Variants in DAB1 observed in about 807,000 individuals in gnomAD.
DAB1 encodes the protein DAB adaptor protein 1, also known as disabled homolog 1.
DAB1 carries 15 observed loss-of-function variants against 64.6 expected under a neutral mutation model. The ratio of observed to expected loss-of-function variants is 0.23; its 90% CI spans 0.16 to 0.36. DAB1 has a LOEUF of 0.36. Ranked by LOEUF, DAB1 falls within the 10% of genes least tolerant of loss-of-function variation. The probability of loss-of-function intolerance (pLI) is 1.00; values close to 1 mark genes in which losing one functional copy is unlikely to be tolerated. For synonymous variants in DAB1, 235 were observed against 251.9 expected (o/e 0.93, Z 0.64); for missense variants, 596 against 706.7 (o/e 0.84, Z 1.78).
At chr1:58,540,522 T>A (rs1237933651) in intron 1 of DAB1, among the ~76,000 whole-genome samples, 1 of 151,344 alleles carries the variant, frequency 6.6e-6, no homozygotes, top group Non-Finnish European at 1.5e-5. Context: ...AATATGAGCA[T>A]GTTATGTAGA....
At chr1:57,274,420 C>T (rs972209670) in intron 2 of DAB1, among the ~76,000 whole-genome samples, 38 of 152,126 alleles carry the variant, frequency 2.5e-4, no homozygotes, top group South Asian at 4.1e-4. Flanking sequence ...AAAATCCAGA[C>T]GAGTGTCTTA....
At chr1:57,157,333 T>G (rs1347753360) in intron 2 of DAB1, among the ~76,000 whole-genome samples, 3 of 152,206 alleles carry the variant, frequency 2.0e-5, no homozygotes, top group Non-Finnish European at 2.9e-5. Flanking sequence ...TTCACTTCTG[T>G]GCATTAGATA....
At chr1:57,960,216 G>T (rs1029389054) in intron 5 of DAB1, among the ~76,000 whole-genome samples, 2 of 152,168 alleles carry the variant, frequency 1.3e-5, no homozygotes. Flanking sequence ...ATAGGCTTTG[G>T]AGTCAGAAAG....
At chr1:57,396,979 A>G (rs1682860847) in intron 1 of DAB1, among the ~76,000 whole-genome samples, 1 of 152,216 alleles carries the variant, frequency 6.6e-6, no homozygotes, top group African/African-American at 2.4e-5. Context: ...GCAATATAGT[A>G]ATAATATTTT....
intron 3 of DAB1, among the ~76,000 whole-genome samples, chr1:58,362,193 G>A (rs1324106271): frequency 2.0e-5 from 3 of 152,164 alleles, no homozygotes; most frequent in Non-Finnish European, 4.4e-5. Context: ...AATATTAAGT[G>A]AGATTTGGTA....
intron 4 of DAB1, among the ~76,000 whole-genome samples, chr1:58,277,013 G>C (rs1039220091): frequency 6.7e-6 from 1 of 149,516 alleles, no homozygotes; most frequent in East Asian, 2.0e-4. Flanking sequence ...ATAAAAGAGA[G>C]AGTGTTGCAG....
At chr1:58,382,797 T>C (rs1255516541) in intron 3 of DAB1, among the ~76,000 whole-genome samples, 3 of 152,350 alleles carry the variant, frequency 2.0e-5, no homozygotes, top group South Asian at 4.1e-4. Context: ...ATCAGTTGCA[T>C]TTACCATCTT....
intron 7 of DAB1, among the ~76,000 whole-genome samples, chr1:57,467,134 C>A (rs1342556366): frequency 2.0e-5 from 3 of 152,116 alleles, no homozygotes; most frequent in East Asian, 3.9e-4. Context: ...CACTGAGGAG[C>A]CTTTAAAGAT....
At chr1:57,938,135 C>T (rs1645053868) in intron 5 of DAB1, among the ~76,000 whole-genome samples, 1 of 152,190 alleles carries the variant, frequency 6.6e-6, no homozygotes, top group South Asian at 2.1e-4. Context: ...GAGTTAGAGA[C>T]ATTTGGGGAC....
intron 4 of DAB1, among the ~76,000 whole-genome samples, chr1:58,155,135 C>A (rs980518223): frequency 6.6e-6 from 1 of 152,172 alleles, no homozygotes; most frequent in Non-Finnish European, 1.5e-5. Context: ...ACTAATGTTA[C>A]CTAACTGAGG....
chr1:58,064,579 A>G (rs1648721992), intron 5 of DAB1, among the ~76,000 whole-genome samples: 1 of 152,104 alleles, frequency 6.6e-6, no homozygotes, highest in South Asian at 2.1e-4. Context: ...CCTCCAGTCT[A>G]CTCAGTGCGG....
intron 7 of DAB1, among the ~76,000 whole-genome samples, chr1:57,443,226 G>A (rs1176469907): frequency 6.6e-6 from 1 of 152,174 alleles, no homozygotes; most frequent in Non-Finnish European, 1.5e-5. Flanking sequence ...TGACTCTGTA[G>A]TTCCTGGTTG....
chr1:57,285,945 T>C (rs1187300387), intron 2 of DAB1, among the ~76,000 whole-genome samples: 1 of 152,198 alleles, frequency 6.6e-6, no homozygotes, highest in African/African-American at 2.4e-5. Flanking sequence ...GTAACGAACC[T>C]AAAAATATAC....
intron 5 of DAB1, among the ~76,000 whole-genome samples, chr1:57,897,995 G>A (rs1482667319): frequency 6.6e-6 from 1 of 152,138 alleles, no homozygotes; most frequent in African/African-American, 2.4e-5. Context: ...GGTCCTGCAG[G>A]AAGGAATGGG....
chr1:57,008,993 C>T (rs1360933279), intron 14 of DAB1, among the ~76,000 whole-genome samples: 1 of 152,160 alleles, frequency 6.6e-6, no homozygotes, highest in African/African-American at 2.4e-5. Flanking sequence ...GACCAAAGCC[C>T]CATGAAACAG....
intron 10 of DAB1, 25 bp from the exon 11 acceptor site, chr1:57,023,664 A>G (rs1646693681): frequency 6.9e-7 from 1 of 1,459,632 alleles, no homozygotes. Context: ...GAGGCAGAGG[A>G]CACATGAGAC....
At chr1:58,365,007 A>G (rs912011358) in intron 3 of DAB1, among the ~76,000 whole-genome samples, 2 of 152,222 alleles carry the variant, frequency 1.3e-5, no homozygotes, top group Non-Finnish European at 2.9e-5. Flanking sequence ...GATGTTTCAG[A>G]GAATTCCCTA....
intron 3 of DAB1, among the ~76,000 whole-genome samples, chr1:58,449,606 G>A (rs751526752): frequency 3.3e-5 from 5 of 152,168 alleles, no homozygotes; most frequent in Admixed American, 6.5e-5. Flanking sequence ...GGGAGGCCTA[G>A]GTTGGAGGTA....
intron 6 of DAB1, among the ~76,000 whole-genome samples, chr1:57,814,002 C>G (rs780935471): frequency 6.6e-6 from 1 of 152,172 alleles, no homozygotes; most frequent in Non-Finnish European, 1.5e-5. Context: ...TTTGGATGTC[C>G]AATTATCAGG....
Sources: allele counts gnomAD v4.1 joint callset (sites outside exome capture counted in the v4.1 genomes callset), GRCh38; gene constraint gnomAD v4.1.1; transcripts MANE v1.5; gene names NCBI Gene and HGNC (gene_info 2026-07-23, HGNC 2026-07-21).